DAPK1: variants seen among roughly 807,000 people sequenced by gnomAD.
DAPK1 encodes death associated protein kinase 1.
A neutral mutation model predicts 144.9 loss-of-function variants in DAPK1; 56 were observed. That is an observed-to-expected ratio of 0.39 (90% confidence interval 0.31 to 0.48). DAPK1 has a LOEUF of 0.48. Ranked by LOEUF, DAPK1 falls within the 20% of genes least tolerant of loss-of-function variation. The probability of loss-of-function intolerance (pLI) is 0.95; values close to 1 mark genes in which losing one functional copy is unlikely to be tolerated. For missense variants in DAPK1, 1,454 were observed against 1,875.4 expected (o/e 0.78, Z 4.15); for synonymous variants, 690 against 749.0 (o/e 0.92, Z 1.29).
chr9:87,697,119 A>G lies in DAPK1; in HGVS notation c.2526A>G (p.Leu842=). The G allele has an allele frequency of 6.4e-7, 1 of 1,562,348 alleles. No homozygotes were observed. The highest frequency in any genetic ancestry group is 8.8e-7 in the Non-Finnish European group (1 of 1,132,712). The change falls in exon 22 of 26, where the codon CTA becomes CTG. Residue 842 remains leucine, a synonymous_variant. Coordinates refer to ENST00000408954, the MANE Select transcript of DAPK1 (RefSeq NM_004938.4). ...PTSIHVVVFS[L]EEPYEIQLNQ... ...CAATCCATGTTGTTGTCTTTAGTCT[A>G]GAAGAGCCCTATGAGATCCAGCTGA...
intron 2 of DAPK1, among the ~76,000 whole-genome samples, chr9:87,544,630 G>A (rs886907297): frequency 6.6e-6 from 1 of 152,012 alleles, no homozygotes; most frequent in Non-Finnish European, 1.5e-5. Context: ...ATTTTTAGTG[G>A]CTGTAACATT....
At chr9:87,609,655 G>T (rs758698235) in intron 3 of DAPK1, among the ~76,000 whole-genome samples, 4 of 152,228 alleles carry the variant, frequency 2.6e-5, no homozygotes, top group Non-Finnish European at 5.9e-5. Flanking sequence ...ATCAGTGACA[G>T]ATTCCATTTC....
chr9:87,663,020 A>G (rs1830919508), intron 18 of DAPK1, among the ~76,000 whole-genome samples: 1 of 151,876 alleles, frequency 6.6e-6, no homozygotes, highest in Non-Finnish European at 1.5e-5. Flanking sequence ...TACCCTCCAG[A>G]AGCAATTCCA....
At chr9:87,614,614 C>G (rs1271869060) in intron 3 of DAPK1, among the ~76,000 whole-genome samples, 1 of 152,200 alleles carries the variant, frequency 6.6e-6, no homozygotes, top group Non-Finnish European at 1.5e-5. Flanking sequence ...CTTCCCCAAC[C>G]TGCACATCAA....
At chr9:87,604,550 T>TA (rs201020662) in intron 2 of DAPK1, among the ~76,000 whole-genome samples, 308 of 150,824 alleles carry the variant, frequency 2.0e-3, no homozygotes, top group Non-Finnish European at 2.8e-3. Flanking sequence ...TTCATATATA[T>TA]TTTTTTTTAC....
chr9:87,682,035 G>A (rs117437140), intron 20 of DAPK1, among the ~76,000 whole-genome samples: 6,659 of 152,282 alleles, frequency 0.044, 286 homozygotes, highest in Admixed American at 0.15. Context: ...AGCAGCCCAA[G>A]AAGGGTCCTC....
intron 3 of DAPK1, among the ~76,000 whole-genome samples, chr9:87,606,463 C>G (rs1828717891): frequency 6.8e-6 from 1 of 146,260 alleles, no homozygotes; most frequent in Non-Finnish European, 1.5e-5. Flanking sequence ...CTTCCTTCCT[C>G]TCTCTCTTTC....
chr9:87,498,242 C>A, intron 1 of DAPK1, 135 bp downstream of exon 1: 2 of 395,404 alleles, frequency 5.1e-6, no homozygotes, highest in Non-Finnish European at 8.9e-6. Context: ...GGAAACTTGG[C>A]TTCGGGGAGA....
intron 2 of DAPK1, among the ~76,000 whole-genome samples, chr9:87,508,516 G>GT (rs1041784495): frequency 4.6e-5 from 7 of 151,812 alleles, no homozygotes; most frequent in Non-Finnish European, 7.4e-5. Flanking sequence ...CTAATTTTTG[G>GT]TATTTTTAGT....
intron 21 of DAPK1, among the ~76,000 whole-genome samples, chr9:87,689,861 A>G (rs941663496): frequency 1.3e-5 from 2 of 152,080 alleles, no homozygotes; most frequent in Admixed American, 6.6e-5. Context: ...CCATTGGTCT[A>G]TGTGTCTGTT....
chr9:87,642,409 A>G (rs1420186827), intron 10 of DAPK1, among the ~76,000 whole-genome samples: 1 of 152,086 alleles, frequency 6.6e-6, no homozygotes, highest in Non-Finnish European at 1.5e-5. Flanking sequence ...ATGAGATTAC[A>G]TTTGTGCTGT....
At chr9:87,546,783 C>G (rs1004670085) in intron 2 of DAPK1, among the ~76,000 whole-genome samples, 1 of 152,042 alleles carries the variant, frequency 6.6e-6, no homozygotes, top group Admixed American at 6.6e-5. Context: ...CCTACCTGTT[C>G]TTTTAACAGA....
chr9:87,631,286 C>T (rs1405346024), intron 3 of DAPK1, among the ~76,000 whole-genome samples: 2 of 152,172 alleles, frequency 1.3e-5, no homozygotes, highest in Non-Finnish European at 2.9e-5. Context: ...TAGCAAAAGT[C>T]AGGAACCCTC....
At position 87,642,071 on chromosome 9, in the gene DAPK1, G is replaced by A. The variant is rs753081481; in HGVS notation, c.918+13G>A. ...GAAAAAATGGAAAGTAAGATTGTTT[G>A]TTGTGGAGGGATTAACAAATTCTGT... On this transcript the variant is annotated intron_variant, in intron 10 of 25. Transcript: ENST00000408954. The A allele has an allele frequency of 4.3e-5, 70 of 1,610,112 alleles. No homozygotes were observed. Among genetic ancestry groups the A allele is most frequent in the Non-Finnish European group, 5.4e-5 (63 of 1,176,650 alleles).
At chr9:87,697,319 G>A in intron 22 of DAPK1, 115 bp downstream of exon 22, 1 of 659,822 alleles carries the variant, frequency 1.5e-6, no homozygotes. Flanking sequence ...CTTGCACCAG[G>A]CCATGAGCAG....
intron 2 of DAPK1, among the ~76,000 whole-genome samples, chr9:87,518,037 A>G (rs914302202): frequency 6.6e-6 from 1 of 151,496 alleles, no homozygotes; most frequent in Non-Finnish European, 1.5e-5. Flanking sequence ...AGCAGCACGC[A>G]TCTGTCGCTG....
At position 87,499,098 on chromosome 9, in the gene DAPK1, A is replaced by C. The variant is rs746450262; in HGVS notation, c.21A>C (p.Glu7Asp). The change falls in exon 2 of 26, where the codon GAA (glutamate) becomes GAC (aspartate). Residue 7 changes from glutamate (E) to aspartate (D), a missense_variant. Glu to Asp is a conservative substitution (Grantham distance 45). Around this residue, in one of 2 missense-constraint regions of DAPK1, gnomAD observed 429 missense variants for 637.5 expected, o/e 0.67. Coordinates refer to ENST00000408954, the MANE Select transcript of DAPK1 (RefSeq NM_004938.4). ...TTATCATGACCGTGTTCAGGCAGGA[A>C]AACGTGGATGATTACTACGACACCG... is the stretch of plus-strand genomic sequence containing the variant. MTVFRQ[E>D]NVDDYYDTGE... 4 of 1,613,956 alleles carry C rather than the reference A, an allele frequency of 2.5e-6. No homozygotes were observed. Among genetic ancestry groups the C allele is most frequent in the Non-Finnish European group, 3.4e-6 (4 of 1,179,996 alleles).
intron 2 of DAPK1, among the ~76,000 whole-genome samples, chr9:87,513,095 A>G (rs7018682): frequency 0.23 from 34,576 of 152,286 alleles, 4,319 homozygotes; most frequent in East Asian, 0.42. Flanking sequence ...TAGGTAAAAC[A>G]TCAAGAGAAC....
intron 2 of DAPK1, among the ~76,000 whole-genome samples, chr9:87,584,889 C>T (rs906093652): frequency 6.6e-6 from 1 of 152,144 alleles, no homozygotes; most frequent in African/African-American, 2.4e-5. Flanking sequence ...GTTAGCTAGG[C>T]TGGCCTCGAA....
Sources: gnomAD v4.1 joint callset for allele counts (sites outside exome capture counted in the v4.1 genomes callset) on GRCh38, gnomAD v4.1.1 for gene constraint, gnomAD v4.1.1 regional missense constraint, MANE v1.5 for transcripts, NCBI Gene and HGNC (gene_info 2026-07-23, HGNC 2026-07-21) for gene names.